GPC6: variants seen among roughly 807,000 people sequenced by gnomAD.
GPC6 encodes the protein glypican 6, also known as glypican-6.
Under a neutral mutation model 55.2 loss-of-function variants are expected in GPC6, and 14 were observed. That is an observed-to-expected ratio of 0.25 (90% CI 0.17 to 0.40). The LOEUF is 0.40. Among genes scored for constraint, GPC6 ranks in the 10% least tolerant of loss-of-function variants. GPC6 has a pLI of 1.00. For missense variants in GPC6, 641 were observed against 708.5 expected (o/e 0.90, Z 1.08); for synonymous variants, 278 against 259.6 (o/e 1.07, Z -0.68).
At chr13:94,349,131 C>T (rs1878418420) in intron 6 of GPC6, among the ~76,000 whole-genome samples, 1 of 152,188 alleles carries the variant, frequency 6.6e-6, no homozygotes, top group Non-Finnish European at 1.5e-5. Flanking sequence ...AAAAGCTGTG[C>T]ACTTCTGGAG....
At position 93,226,918 on chromosome 13, in the gene GPC6, G is replaced by C. The variant is rs1005507634; in HGVS notation, c.-539G>C. On this transcript the variant is annotated 5_prime_UTR_variant, in exon 1 of 9. Coordinates refer to ENST00000377047, the MANE Select transcript of GPC6 (RefSeq NM_005708.5). ...CTGTGTTAAGCTGAGGTTTCCCCTA[G>C]ATCTCGTATATCCCCAACACATACC... 2.0e-5 allele frequency: 3 copies of C among 152,614 alleles called. No homozygotes were observed. Among genetic ancestry groups the C allele is most frequent in the Non-Finnish European group, 2.9e-5 (2 of 68,128 alleles). 9.5% of individuals were successfully genotyped at this position (152,614 alleles called of 1,614,324 possible).
intron 1 of GPC6, among the ~76,000 whole-genome samples, chr13:93,476,325 T>G (rs541259738): frequency 5.3e-5 from 8 of 152,078 alleles, no homozygotes; most frequent in Admixed American, 5.2e-4. Context: ...TGCGCGCAAC[T>G]AAATAATATA....
chr13:93,854,005 C>G (rs759846125), intron 3 of GPC6, among the ~76,000 whole-genome samples: 6 of 151,656 alleles, frequency 4.0e-5, no homozygotes, highest in Non-Finnish European at 7.4e-5. Flanking sequence ...CATTATCATA[C>G]ATGATTAATG....
At position 94,356,451 on chromosome 13, in the gene GPC6, G is replaced by T. The variant is rs573759274; in HGVS notation, c.1153-25963G>T. Among the ~76,000 whole-genome samples the T allele has an allele frequency of 2.9e-3, 407 of 138,420 alleles. 1 individual carries two copies. The highest frequency in any genetic ancestry group is 0.014 in the African/African-American group (390 of 28,670). The allele number at this position is 138,420 out of a possible 152,430, so 90.8% of individuals were successfully genotyped here. Reference sequence around the variant, plus strand: ...GTAATGCAAATGTAGGCTCCATAAAGGAAGGGGTTTTTGCCCTCTTTTGTT... The same window carrying T: ...GTAATGCAAATGTAGGCTCCATAAATGAAGGGGTTTTTGCCCTCTTTTGTT... On this transcript the variant is annotated intron_variant, in intron 6 of 8. Coordinates refer to ENST00000377047, the MANE Select transcript of GPC6 (RefSeq NM_005708.5).
intron 3 of GPC6, among the ~76,000 whole-genome samples, chr13:93,918,596 T>C (rs2140342638): frequency 6.6e-6 from 1 of 152,292 alleles, no homozygotes; most frequent in African/African-American, 2.4e-5. Flanking sequence ...TGGAAGTTAC[T>C]CATCTCATAC....
At chr13:93,384,384 G>GTTT (rs10640733) in intron 1 of GPC6, among the ~76,000 whole-genome samples, 9 of 143,462 alleles carry the variant, frequency 6.3e-5, no homozygotes, top group African/African-American at 1.3e-4. Flanking sequence ...CCTGAAAACC[G>GTTT]TTTTTTTTTT....
At chr13:93,636,416 A>C (rs1224022512) in intron 2 of GPC6, among the ~76,000 whole-genome samples, 6 of 152,188 alleles carry the variant, frequency 3.9e-5, no homozygotes, top group Non-Finnish European at 5.9e-5. Flanking sequence ...ATTTATAGTG[A>C]CAGAATTAAT....
intron 2 of GPC6, among the ~76,000 whole-genome samples, chr13:93,804,511 T>C (rs975717700): frequency 1.3e-5 from 2 of 152,158 alleles, no homozygotes; most frequent in East Asian, 3.8e-4. Context: ...ACATTTTAAT[T>C]TTACTATTTT....
chr13:93,336,012 A>C (rs566684826), intron 1 of GPC6, among the ~76,000 whole-genome samples: 1 of 152,220 alleles, frequency 6.6e-6, no homozygotes, highest in African/African-American at 2.4e-5. Flanking sequence ...AAAAGATTTA[A>C]ATCTTCCTCT....
intron 6 of GPC6, among the ~76,000 whole-genome samples, chr13:94,369,793 T>C (rs905395718): frequency 6.6e-6 from 1 of 152,120 alleles, no homozygotes; most frequent in Non-Finnish European, 1.5e-5. Flanking sequence ...TGAGTTTTGG[T>C]GTTTTTTTGT....
chr13:94,282,326 C>T (rs1403767897), intron 4 of GPC6, among the ~76,000 whole-genome samples: 1 of 152,044 alleles, frequency 6.6e-6, no homozygotes, highest in Non-Finnish European at 1.5e-5. Context: ...CTTCACATGG[C>T]AACGTAAGGA....
rs546810176 is a variant in GPC6 at position 93,926,863 on chromosome 13, T to G, written c.711+96318T>G. On this transcript the variant is annotated intron_variant, in intron 3 of 8. Transcript: ENST00000377047. ...AACTGTCCTAACTAGGGCAAATGTT[T>G]GAGTCACCAGAGCTTATGCGAACAT... Among the ~76,000 whole-genome samples, 8 of 152,292 alleles carry G rather than the reference T, an allele frequency of 5.3e-5. No individual in the cohort carries two copies. In the South Asian group the frequency reaches 1.5e-3, roughly 28 times the overall value.
chr13:93,875,268 A>C (rs1402794526), intron 3 of GPC6, among the ~76,000 whole-genome samples: 10 of 151,898 alleles, frequency 6.6e-5, no homozygotes, highest in Non-Finnish European at 1.5e-5. Context: ...TCTTTTCAAC[A>C]CCTAATTCTA....
At chr13:93,854,453 C>T (rs1205653398) in intron 3 of GPC6, among the ~76,000 whole-genome samples, 2 of 151,670 alleles carry the variant, frequency 1.3e-5, no homozygotes, top group African/African-American at 4.8e-5. Context: ...TCTCAAATCA[C>T]ACTTGTTTCT....
chr13:94,243,019 G>T (rs1891099803), intron 4 of GPC6, among the ~76,000 whole-genome samples: 1 of 151,870 alleles, frequency 6.6e-6, no homozygotes, highest in African/African-American at 2.4e-5. Flanking sequence ...ATTGTCAGAG[G>T]ATTATATATC....
intron 1 of GPC6, among the ~76,000 whole-genome samples, chr13:93,496,972 T>G (rs7983734): frequency 0.04 from 6,076 of 152,218 alleles, 418 homozygotes; most frequent in East Asian, 0.28. Context: ...AATTGGAGGA[T>G]TATGAACACC....
intron 2 of GPC6, among the ~76,000 whole-genome samples, chr13:93,703,769 A>C (rs1003432321): frequency 6.6e-6 from 1 of 151,966 alleles, no homozygotes; most frequent in Middle Eastern, 3.2e-3. Context: ...TGGTACTTTG[A>C]AGACTTATCC....
intron 3 of GPC6, among the ~76,000 whole-genome samples, chr13:93,955,435 A>G (rs1933148): frequency 0.2 from 29,770 of 152,136 alleles, 3,128 homozygotes; most frequent in East Asian, 0.39. Context: ...ATGCAGATTG[A>G]TATCAATCAC....
intron 4 of GPC6, among the ~76,000 whole-genome samples, chr13:94,223,100 A>G (rs1446196206): frequency 6.6e-6 from 1 of 152,176 alleles, no homozygotes; most frequent in African/African-American, 2.4e-5. Flanking sequence ...ATTTTTAAAA[A>G]TGACCACAAA....
Sources: allele counts gnomAD v4.1 joint callset (sites outside exome capture counted in the v4.1 genomes callset), GRCh38; gene constraint gnomAD v4.1.1; transcripts MANE v1.5; gene names NCBI Gene and HGNC (gene_info 2026-07-23, HGNC 2026-07-21).